C5: variants seen among roughly 807,000 people sequenced by gnomAD.
The protein encoded by C5 is C3 and PZP-like alpha-2-macroglobulin domain-containing protein 4.
Under a neutral mutation model 218.8 loss-of-function variants are expected in C5, and 140 were observed. The observed-to-expected ratio is 0.64, with a 90% CI of 0.56 to 0.74. The LOEUF (loss-of-function observed/expected upper bound fraction) is 0.74. C5 is among the 30% of genes least tolerant of loss of function. C5 has a pLI of 0.00. For synonymous variants in C5, 614 were observed against 682.3 expected, an observed-to-expected ratio of 0.90 and a Z score of 1.56; for missense variants, 1,700 against 1,969.6, an observed-to-expected ratio of 0.86 and a Z score of 2.59.
chr9:121,052,302 C>T (rs955636952), upstream of C5, among the ~76,000 whole-genome samples: 1 of 151,758 alleles, frequency 6.6e-6, no homozygotes, highest in Non-Finnish European at 1.5e-5. Context: ...ACTAAAAATA[C>T]AAAAATTAGC....
intron 20 of C5, among the ~76,000 whole-genome samples, chr9:121,002,280 A>ATG (rs1564146611): frequency 1.9e-4 from 22 of 116,296 alleles, no homozygotes; most frequent in Admixed American, 5.5e-4. Context: ...ATGTATATAT[A>ATG]CGTATATATG....
At chr9:121,049,344 A>T (rs893726040) in intron 1 of C5, among the ~76,000 whole-genome samples, 1 of 152,210 alleles carries the variant, frequency 6.6e-6, no homozygotes, top group African/African-American at 2.4e-5. Flanking sequence ...CTCGTCTTTC[A>T]AAAAGAATAA....
intron 25 of C5, among the ~76,000 whole-genome samples, chr9:120,983,159 G>C (rs1391559738): frequency 6.6e-6 from 1 of 152,094 alleles, no homozygotes; most frequent in Non-Finnish European, 1.5e-5. Flanking sequence ...AGACATGAAA[G>C]AGTAAATCAC....
the C5 span, among the ~76,000 whole-genome samples, chr9:121,063,527 G>C: frequency 6.6e-6 from 1 of 151,892 alleles, no homozygotes; most frequent in Non-Finnish European, 1.5e-5. Context: ...TCCTCAGGTG[G>C]TTTTTATTAT....
Position 121,039,888 on chromosome 9 carries a change from C to T in C5, c.422-1937G>A, listed in dbSNP as rs552755083. Reference sequence around the variant, plus strand: ...TCCTGACCTTGTGATCCGCCTGCCTCGGCCTCCCAAAGTGCTGGGATTACA... The same window carrying T: ...TCCTGACCTTGTGATCCGCCTGCCTTGGCCTCCCAAAGTGCTGGGATTACA... On this transcript the variant is annotated intron_variant, in intron 3 of 40. Coordinates refer to ENST00000223642, the MANE Select transcript of C5 (RefSeq NM_001735.3). Among the ~76,000 whole-genome samples, 11 of 152,112 alleles carry T rather than the reference C, an allele frequency of 7.2e-5. No individual in the cohort carries two copies. The South Asian group carries it at 2.3e-3, about 31-fold the overall frequency.
In C5 at chr9:121,002,316, G is replaced by GTGTGTGTGTGTGTGTATATATA. The variant is rs572345213; in HGVS notation, c.2562+3602_2562+3603insTATATATACACACACACACACA. On this transcript the variant is annotated intron_variant, in intron 20 of 40. Coordinates refer to ENST00000223642, the MANE Select transcript of C5 (RefSeq NM_001735.3). Reference sequence around the variant, plus strand: ...TATATATGTATATATATATGTGTGTGTATATATATATATATATATATATAT... The same window carrying GTGTGTGTGTGTGTGTATATATA: ...TATATATGTATATATATATGTGTGTGTGTGTGTGTGTGTGTATATATATATATATATATATATATATATATAT... Among the ~76,000 whole-genome samples the GTGTGTGTGTGTGTGTATATATA allele has an allele frequency of 1.7e-3, 149 of 87,380 alleles. 5 individuals are homozygous for GTGTGTGTGTGTGTGTATATATA. The highest frequency in any genetic ancestry group is 8.5e-3 in the East Asian group (24 of 2,808). The allele number at this position is 87,380 out of a possible 152,430, so 57.3% of individuals were successfully genotyped here.
chr9:121,004,751 C>A (rs982220357), intron 20 of C5, among the ~76,000 whole-genome samples: 2 of 150,802 alleles, frequency 1.3e-5, no homozygotes, highest in Admixed American at 6.6e-5. Context: ...CCAGCCTGGG[C>A]AATAGAACAA....
At chr9:121,007,438 T>G (rs781031175) in intron 18 of C5, among the ~76,000 whole-genome samples, 13 of 152,236 alleles carry the variant, frequency 8.5e-5, no homozygotes, top group Non-Finnish European at 1.6e-4. Flanking sequence ...TAAACAGCAC[T>G]GATAAGATAC....
chr9:121,002,298 GTATATA>G (rs1214836550), intron 20 of C5, among the ~76,000 whole-genome samples: 1 of 100,094 alleles, frequency 1.0e-5, no homozygotes, highest in East Asian at 3.1e-4. Context: ...ATGTATATAT[GTATATA>G]TATATGTGTG....
intron 20 of C5, among the ~76,000 whole-genome samples, chr9:121,002,296 A>G (rs1456500020): frequency 0.013 from 1,218 of 93,764 alleles, 34 homozygotes; most frequent in East Asian, 0.027. Context: ...ATATGTATAT[A>G]TGTATATATA....
At chr9:121,070,481 ATG>A in the C5 span, among the ~76,000 whole-genome samples, 5 of 147,528 alleles carry the variant, frequency 3.4e-5, no homozygotes, top group Non-Finnish European at 6.0e-5. Flanking sequence ...GTGTATATAT[ATG>A]TGTGTGTGTG....
intron 5 of C5, among the ~76,000 whole-genome samples, chr9:121,033,013 G>GT (rs1554724861): frequency 0.37 from 52,890 of 142,978 alleles, 10,719 homozygotes; most frequent in South Asian, 0.58. Flanking sequence ...AAAAACTATG[G>GT]GTGTGTGTGT....
intron 3 of C5, among the ~76,000 whole-genome samples, chr9:121,039,531 G>A (rs1299449053): frequency 6.6e-6 from 1 of 152,022 alleles, no homozygotes; most frequent in Non-Finnish European, 1.5e-5. Context: ...CACTTACTTG[G>A]GATGCTGAGG....
chr9:121,025,781 G>A, intron 8 of C5: 1 of 510,576 alleles, frequency 2.0e-6, no homozygotes, highest in Non-Finnish European at 3.5e-6. Context: ...TATAGAAGTA[G>A]AAGGGTCTTG....
intron 1 of C5, among the ~76,000 whole-genome samples, chr9:121,047,577 CCCACCA>C (rs2047638648): frequency 6.6e-6 from 1 of 152,124 alleles, no homozygotes; most frequent in African/African-American, 2.4e-5. Context: ...TTGGAGGGCA[CCCACCA>C]CCCCACCTGG....
chr9:121,066,874 A>AC, the C5 span, among the ~76,000 whole-genome samples: 3 of 151,212 alleles, frequency 2.0e-5, no homozygotes, highest in South Asian at 4.2e-4. Flanking sequence ...AAAAAAAAAA[A>AC]AACAAAAACA....
At chr9:121,006,422 A>G (rs1165630978) in intron 19 of C5, among the ~76,000 whole-genome samples, 1 of 152,228 alleles carries the variant, frequency 6.6e-6, no homozygotes, top group Non-Finnish European at 1.5e-5. Flanking sequence ...AAACAAACAA[A>G]CAAAACCATT....
chr9:121,050,054 T>C, intron 1 of C5, 128 bp downstream of exon 1: 2 of 791,796 alleles, frequency 2.5e-6, no homozygotes, highest in South Asian at 1.4e-5. Context: ...CATTCAGAGA[T>C]GATACTATTC....
intron 39 of C5, among the ~76,000 whole-genome samples, chr9:120,955,540 T>C (rs910357340): frequency 6.6e-6 from 1 of 152,178 alleles, no homozygotes; most frequent in Non-Finnish European, 1.5e-5. Flanking sequence ...GATGAAAATG[T>C]TGCTCAAAAG....
Sources: allele counts gnomAD v4.1 joint callset (sites outside exome capture counted in the v4.1 genomes callset), GRCh38; gene constraint gnomAD v4.1.1; transcripts MANE v1.5; gene names NCBI Gene and HGNC (gene_info 2026-07-23, HGNC 2026-07-21).